DOCK1: variants seen among roughly 807,000 people sequenced by gnomAD.
The protein encoded by DOCK1 is dedicator of cytokinesis 1.
DOCK1 carries 138 observed loss-of-function variants against 262.7 expected under a neutral mutation model. The ratio of observed to expected loss-of-function variants is 0.53; its 90% CI spans 0.46 to 0.61. The LOEUF (loss-of-function observed/expected upper bound fraction) is 0.61. Among genes scored for constraint, DOCK1 ranks in the 20% least tolerant of loss-of-function variants. The probability of loss-of-function intolerance (pLI) is 0.00; values close to 1 mark genes in which losing one functional copy is unlikely to be tolerated. For synonymous variants in DOCK1, 866 were observed against 867.4 expected, an observed-to-expected ratio of 1.00 and a Z score of 0.03; for missense variants, 1,908 against 2,370.7, an observed-to-expected ratio of 0.80 and a Z score of 4.05.
chr10:127,197,352 G>T (rs1164466676), intron 27 of DOCK1, among the ~76,000 whole-genome samples: 9 of 152,158 alleles, frequency 5.9e-5, no homozygotes, highest in Non-Finnish European at 1.3e-4. Context: ...GACCTAGGAT[G>T]CACACGGAGC....
chr10:127,397,086 A>G (rs1218226067), intron 38 of DOCK1, among the ~76,000 whole-genome samples: 5 of 128,114 alleles, frequency 3.9e-5, no homozygotes, highest in African/African-American at 1.8e-4. Context: ...AGCGACTCCT[A>G]TGTGATCTGA....
chr10:127,374,349 C>CAAATAAGG, intron 35 of DOCK1, 135 bp downstream of exon 35: 1 of 1,184,476 alleles, frequency 8.4e-7, no homozygotes. Context: ...CGCTTGTTTC[C>CAAATAAGG]TCATCTGCTG....
chr10:126,984,229 C>T (rs552479162), intron 4 of DOCK1, among the ~76,000 whole-genome samples: 1 of 152,298 alleles, frequency 6.6e-6, no homozygotes, highest in African/African-American at 2.4e-5. Flanking sequence ...GTCTCTTGAC[C>T]CCTCATTCAG....
intron 51 of DOCK1, among the ~76,000 whole-genome samples, chr10:127,448,584 A>G (rs977747145): frequency 6.6e-6 from 1 of 152,164 alleles, no homozygotes. Flanking sequence ...TTCTGCTTCT[A>G]GGCTCAGGCC....
At chr10:127,213,765 G>A (rs2058081339) in intron 27 of DOCK1, among the ~76,000 whole-genome samples, 1 of 152,202 alleles carries the variant, frequency 6.6e-6, no homozygotes, top group African/African-American at 2.4e-5. Flanking sequence ...TGGCTGTGTA[G>A]CGCACAAGGG....
intron 35 of DOCK1, among the ~76,000 whole-genome samples, chr10:127,374,908 T>G (rs866556337): frequency 6.6e-6 from 1 of 152,352 alleles, no homozygotes; most frequent in Middle Eastern, 3.4e-3. Context: ...CACCTTGATT[T>G]CAGATTCTGG....
chr10:127,313,668 C>A (rs904071377), intron 29 of DOCK1, among the ~76,000 whole-genome samples: 8 of 152,252 alleles, frequency 5.3e-5, no homozygotes, highest in African/African-American at 9.6e-5. Flanking sequence ...CCATCCTCCA[C>A]CCCTCTCGAC....
At chr10:127,375,759 CT>C (rs2065452225) in intron 35 of DOCK1, among the ~76,000 whole-genome samples, 1 of 152,152 alleles carries the variant, frequency 6.6e-6, no homozygotes, top group Non-Finnish European at 1.5e-5. Flanking sequence ...TTTTCTTTTC[CT>C]TAAAAATCTA....
intron 27 of DOCK1, among the ~76,000 whole-genome samples, chr10:127,231,018 CTCTT>C (rs1354345785): frequency 6.6e-6 from 1 of 152,082 alleles, no homozygotes; most frequent in East Asian, 1.9e-4. Flanking sequence ...ACAGATCTCT[CTCTT>C]TCTTGGTTTA....
At chr10:126,928,062 A>G (rs1014575804) in intron 1 of DOCK1, among the ~76,000 whole-genome samples, 335 of 152,268 alleles carry the variant, frequency 2.2e-3, no homozygotes, top group African/African-American at 7.8e-3. Flanking sequence ...AAGAGGGGCT[A>G]AGTGTTCTCA....
At chr10:127,358,213 G>A (rs970893444) in intron 32 of DOCK1, among the ~76,000 whole-genome samples, 1 of 152,120 alleles carries the variant, frequency 6.6e-6, no homozygotes, top group Non-Finnish European at 1.5e-5. Context: ...GGCCCATAGA[G>A]AGGAGCATCT....
intron 27 of DOCK1, among the ~76,000 whole-genome samples, chr10:127,177,596 G>A (rs2055290804): frequency 6.6e-6 from 1 of 152,214 alleles, no homozygotes; most frequent in South Asian, 2.1e-4. Context: ...GCAAGGTCAT[G>A]GACATGGGCC....
At chr10:127,033,020 C>G (rs1263601132) in intron 18 of DOCK1, among the ~76,000 whole-genome samples, 3 of 152,194 alleles carry the variant, frequency 2.0e-5, no homozygotes, top group Non-Finnish European at 4.4e-5. Context: ...TGCCCTTCAA[C>G]AAGTCTTCTG....
chr10:127,051,062 A>G (rs12770046), intron 21 of DOCK1, among the ~76,000 whole-genome samples: 1 of 152,108 alleles, frequency 6.6e-6, no homozygotes, highest in South Asian at 2.1e-4. Context: ...ATTTATACCA[A>G]CTGTCTATAA....
intron 12 of DOCK1, among the ~76,000 whole-genome samples, chr10:127,014,583 C>T (rs1180566099): frequency 6.6e-6 from 1 of 152,220 alleles, no homozygotes; most frequent in Admixed American, 6.5e-5. Context: ...ATAATGACCT[C>T]ACCACATCCT....
At chr10:127,422,652 A>C (rs2068585600) in intron 46 of DOCK1, among the ~76,000 whole-genome samples, 2 of 152,222 alleles carry the variant, frequency 1.3e-5, no homozygotes, top group Admixed American at 1.3e-4. Context: ...TTGTTGGCCA[A>C]CTTTGGCTTC....
intron 7 of DOCK1, 136 bp from the exon 8 acceptor site, chr10:126,997,956 G>A (rs929533317): frequency 3.5e-5 from 40 of 1,132,144 alleles, no homozygotes; most frequent in Admixed American, 7.5e-5. Context: ...GGGGAGATAA[G>A]AAAGTGACTG....
At chr10:126,975,040 A>G (rs973448436) in intron 2 of DOCK1, among the ~76,000 whole-genome samples, 1 of 152,010 alleles carries the variant, frequency 6.6e-6, no homozygotes, top group African/African-American at 2.4e-5. Flanking sequence ...CTGTGTGTGA[A>G]GTGGCCTCTC....
chr10:127,211,930 A>G (rs1413812111), intron 27 of DOCK1, among the ~76,000 whole-genome samples: 5 of 152,214 alleles, frequency 3.3e-5, no homozygotes, highest in East Asian at 1.9e-4. Flanking sequence ...GAGTGCGCCA[A>G]TATTCCAGAG....
Sources: gnomAD v4.1 joint callset for allele counts (sites outside exome capture counted in the v4.1 genomes callset) on GRCh38, gnomAD v4.1.1 for gene constraint, MANE v1.5 for transcripts, NCBI Gene and HGNC (gene_info 2026-07-23, HGNC 2026-07-21) for gene names.